PCCA: variants seen among roughly 807,000 people sequenced by gnomAD.
PCCA encodes the protein propionyl-CoA carboxylase alpha chain, mitochondrial.
In PCCA, 74 loss-of-function variants were observed where a neutral mutation model predicts 101.3. The ratio of observed to expected loss-of-function variants is 0.73; its 90% CI spans 0.61 to 0.89. The LOEUF (loss-of-function observed/expected upper bound fraction) is 0.89. PCCA is among the 40% of genes least tolerant of loss of function. PCCA has a pLI of 0.00. For synonymous variants in PCCA, 294 were observed against 313.6 expected (o/e 0.94, Z 0.66); for missense variants, 891 against 907.0 (o/e 0.98, Z 0.23).
intron 1 of PCCA, among the ~76,000 whole-genome samples, chr13:100,097,940 C>A (rs1404441031): frequency 5.3e-5 from 8 of 151,904 alleles, no homozygotes; most frequent in Non-Finnish European, 1.2e-4. Context: ...GGGAGGATTG[C>A]TTGAATGCAG....
chr13:100,295,421 T>G (rs2065450397), intron 12 of PCCA, among the ~76,000 whole-genome samples: 1 of 152,188 alleles, frequency 6.6e-6, no homozygotes, highest in Admixed American at 6.5e-5. Context: ...AAGATAGCTT[T>G]CGAAAAAACA....
intron 11 of PCCA, among the ~76,000 whole-genome samples, chr13:100,271,487 G>T (rs150482384): frequency 6.6e-6 from 1 of 151,772 alleles, no homozygotes; most frequent in Non-Finnish European, 1.5e-5. Flanking sequence ...AAAAGACACC[G>T]TGGGGTTGCA....
intron 4 of PCCA, among the ~76,000 whole-genome samples, chr13:100,122,649 G>A (rs2049523344): frequency 6.6e-6 from 1 of 152,042 alleles, no homozygotes; most frequent in South Asian, 2.1e-4. Flanking sequence ...CAGTAGTAAT[G>A]TCTCCTCTTT....
intron 6 of PCCA, among the ~76,000 whole-genome samples, chr13:100,172,693 C>T (rs190462591): frequency 6.7e-4 from 102 of 152,302 alleles, no homozygotes; most frequent in Middle Eastern, 3.4e-3. Flanking sequence ...GTTATGAATG[C>T]GTGAGATTTC....
At chr13:100,150,529 C>T in intron 4 of PCCA, 1 of 1,331,252 alleles carries the variant, frequency 7.5e-7, no homozygotes, top group Non-Finnish European at 1.0e-6. Flanking sequence ...TCCAAGCTCC[C>T]CGGCGAGAAC....
chr13:100,530,075 C>T (rs2088287057), intron 23 of PCCA, 23 bp from the exon 24 acceptor site: 1 of 1,596,926 alleles, frequency 6.3e-7, no homozygotes, highest in African/African-American at 1.3e-5. Flanking sequence ...TCTCCCCTCC[C>T]CCTGCATTTT....
intron 16 of PCCA, among the ~76,000 whole-genome samples, chr13:100,323,583 T>C (rs1172203405): frequency 6.6e-6 from 1 of 152,152 alleles, no homozygotes; most frequent in East Asian, 1.9e-4. Flanking sequence ...CCCAAAGTGC[T>C]GGGATTACAG....
chr13:100,471,137 A>G (rs1207643873), intron 21 of PCCA, among the ~76,000 whole-genome samples: 1 of 152,142 alleles, frequency 6.6e-6, no homozygotes, highest in African/African-American at 2.4e-5. Context: ...TAGGGTTATT[A>G]ATTGGCTTAA....
At chr13:100,508,575 A>T (rs780920969) in intron 21 of PCCA, among the ~76,000 whole-genome samples, 24 of 152,272 alleles carry the variant, frequency 1.6e-4, no homozygotes, top group Non-Finnish European at 2.5e-4. Context: ...TGGATGATTT[A>T]CTTTGTGTTT....
At chr13:100,213,975 T>A (rs2059373704) in intron 7 of PCCA, among the ~76,000 whole-genome samples, 1 of 152,230 alleles carries the variant, frequency 6.6e-6, no homozygotes, top group Non-Finnish European at 1.5e-5. Flanking sequence ...GAGCACCATT[T>A]ATTGAAGAGA....
chr13:100,341,551 GC>G (rs1306740978), intron 18 of PCCA, among the ~76,000 whole-genome samples: 5 of 152,212 alleles, frequency 3.3e-5, no homozygotes, highest in African/African-American at 9.7e-5. Context: ...GTGGTTAGCA[GC>G]TCCTGCACTG....
chr13:100,458,415 C>T (rs898927139), intron 21 of PCCA, among the ~76,000 whole-genome samples: 5 of 139,238 alleles, frequency 3.6e-5, no homozygotes, highest in South Asian at 4.8e-4. Context: ...GGGACCCCAT[C>T]TCTGCGCGCA....
chr13:100,523,021 T>TC (rs1216331736), intron 22 of PCCA, among the ~76,000 whole-genome samples: 1 of 152,200 alleles, frequency 6.6e-6, no homozygotes, highest in Non-Finnish European at 1.5e-5. Context: ...TGGTCTTTTT[T>TC]CCCCCGTTCT....
intron 9 of PCCA, 50 bp from the exon 10 acceptor site, chr13:100,262,679 C>T: frequency 1.3e-6 from 1 of 784,728 alleles, no homozygotes; most frequent in Non-Finnish European, 2.3e-6. Context: ...TTCCCCTTCC[C>T]CTTCCCCTCC....
intron 11 of PCCA, among the ~76,000 whole-genome samples, chr13:100,272,813 G>A (rs2063384226): frequency 6.6e-6 from 1 of 152,168 alleles, no homozygotes; most frequent in Non-Finnish European, 1.5e-5. Context: ...GACTACATGA[G>A]CAATGAGGAT....
chr13:100,450,410 C>A (rs1395650473), intron 21 of PCCA, among the ~76,000 whole-genome samples: 2 of 151,708 alleles, frequency 1.3e-5, no homozygotes, highest in African/African-American at 4.8e-5. Context: ...AAAAAAAGTA[C>A]CTTATTTTAA....
intron 6 of PCCA, among the ~76,000 whole-genome samples, chr13:100,184,859 TA>T (rs1379373802): frequency 1.4e-5 from 2 of 143,944 alleles, no homozygotes; most frequent in African/African-American, 2.5e-5. Context: ...ATTTGGCCTG[TA>T]GGCTGTAATT....
intron 22 of PCCA, among the ~76,000 whole-genome samples, chr13:100,521,744 G>T (rs1262070125): frequency 3.3e-5 from 5 of 152,096 alleles, no homozygotes; most frequent in Non-Finnish European, 7.3e-5. Context: ...TGGCATTCAG[G>T]CACCTGTGTT....
intron 7 of PCCA, among the ~76,000 whole-genome samples, chr13:100,211,359 G>A (rs77043767): frequency 0.022 from 3,326 of 151,948 alleles, 130 homozygotes; most frequent in African/African-American, 0.076. Context: ...TTTTCTTGCC[G>A]TCTAGCTTCT....
Sources: allele counts gnomAD v4.1 joint callset (sites outside exome capture counted in the v4.1 genomes callset), GRCh38; gene constraint gnomAD v4.1.1; transcripts MANE v1.5; gene names NCBI Gene and HGNC (gene_info 2026-07-23, HGNC 2026-07-21).